SLC39A12: variants seen among roughly 807,000 people sequenced by gnomAD.
SLC39A12 encodes the protein zinc transporter ZIP12.
SLC39A12 carries 63 observed loss-of-function variants against 71.1 expected under a neutral mutation model. The ratio of observed to expected loss-of-function variants is 0.89; its 90% CI spans 0.72 to 1.09. SLC39A12 has a LOEUF of 1.09. SLC39A12 is among the 50% of genes least tolerant of loss of function. SLC39A12 has a pLI of 0.00. For missense variants in SLC39A12, 892 were observed against 812.6 expected, an observed-to-expected ratio of 1.10 and a Z score of -1.19; for synonymous variants, 351 against 301.3, an observed-to-expected ratio of 1.16 and a Z score of -1.71.
chr10:17,959,545 G>C (rs190367444), intron 2 of SLC39A12, among the ~76,000 whole-genome samples: 1 of 152,218 alleles, frequency 6.6e-6, no homozygotes, highest in Admixed American at 6.5e-5. Flanking sequence ...TAGATTAAAA[G>C]ATATTGTAGT....
chr10:17,999,996 C>T (rs1050067553), intron 10 of SLC39A12, among the ~76,000 whole-genome samples: 1 of 152,172 alleles, frequency 6.6e-6, no homozygotes, highest in Admixed American at 6.5e-5. Flanking sequence ...TTTGTCTTGG[C>T]CCACTCGGTC....
rs189674302 is a variant in SLC39A12, at chr10:18,006,876, G to A, written c.1947+3518G>A. 5.9e-5 allele frequency among the ~76,000 whole-genome samples: 9 copies of A among 152,310 alleles called. No homozygotes were observed. The East Asian group carries it at 1.7e-3, about 29-fold the overall frequency. On this transcript the variant is annotated intron_variant, in intron 12 of 12. Coordinates refer to ENST00000377369, the MANE Select transcript of SLC39A12 (RefSeq NM_001145195.2). The stretch of plus-strand genomic sequence containing the variant: ...AGAAAGAGGAATGCAGTGTGAACCA[G>A]AGGCAAGACTCTGCAAAACCAATCA...
At chr10:18,026,888 A>G (rs907708746) in intron 12 of SLC39A12, among the ~76,000 whole-genome samples, 3 of 151,208 alleles carry the variant, frequency 2.0e-5, no homozygotes, top group Non-Finnish European at 4.4e-5. Flanking sequence ...TATAATTTCC[A>G]TTTTTCTGCT....
In SLC39A12 at chr10:17,965,697, A is replaced by C; in HGVS notation, c.751+7A>C. 6.2e-7 allele frequency: 1 copy of C among 1,603,606 alleles called. No individual in the cohort carries two copies. Among genetic ancestry groups the C allele is most frequent in the Non-Finnish European group, 8.5e-7 (1 of 1,171,504 alleles). On this transcript the variant is annotated splice_region_variant and intron_variant, in intron 4 of 12. Coordinates refer to ENST00000377369, the MANE Select transcript of SLC39A12 (RefSeq NM_001145195.2). ...AATACCCTCCGCCTATCAGGTAAGG[A>C]TGTTTTCACGAATTTAACTTCCAAG...
At chr10:17,967,458 C>T (rs1834855515) in intron 4 of SLC39A12, among the ~76,000 whole-genome samples, 1 of 152,164 alleles carries the variant, frequency 6.6e-6, no homozygotes, top group Non-Finnish European at 1.5e-5. Flanking sequence ...AGAAAAACTT[C>T]CCCTCGTCAC....
chr10:18,004,956 C>A (rs1045094902), intron 12 of SLC39A12, among the ~76,000 whole-genome samples: 1 of 151,880 alleles, frequency 6.6e-6, no homozygotes, highest in Non-Finnish European at 1.5e-5. Context: ...CCATTATCCC[C>A]AGCAAACTAA....
chr10:17,987,540 G>T lies in SLC39A12; in HGVS notation c.1158G>T (p.Ala386=), dbSNP rs1276842528. ...LLTLGSMLGT[A]LVLFHSCEEN... is the part of the protein sequence containing the mutation. The stretch of plus-strand genomic sequence containing the variant: ...CACTGGGCTCCATGCTGGGGACAGC[G>T]CTGGTCCTTTTCCATAGCTGTGAGG... The change falls in exon 7 of 13, where the codon GCG becomes GCT. Residue 386 remains alanine (A), a synonymous_variant. Transcript: ENST00000377369. 6.2e-7 allele frequency: 1 copy of T among 1,614,092 alleles called. No homozygotes were observed. Among genetic ancestry groups the T allele is most frequent in the Admixed American group, 1.7e-5 (1 of 60,016 alleles).
intron 10 of SLC39A12, among the ~76,000 whole-genome samples, chr10:17,997,857 G>T (rs1835729495): frequency 6.6e-6 from 1 of 152,138 alleles, no homozygotes; most frequent in Non-Finnish European, 1.5e-5. Context: ...CAGCCCCCAT[G>T]TTTTACCATG....
rs529333432 is a variant in SLC39A12, at chr10:18,003,622, T to C, written c.1947+264T>C. 9.2e-5 allele frequency among the ~76,000 whole-genome samples: 14 copies of C among 152,318 alleles called. No individual in the cohort carries two copies. In the East Asian group the frequency reaches 2.5e-3, roughly 27 times the overall value. ...AGTTGCATGTAAGACTTTTTTCTTTTAGTGATTTTAAGTGGAAAGAATGAA... is the reference window on the plus strand; with the variant it reads ...AGTTGCATGTAAGACTTTTTTCTTTCAGTGATTTTAAGTGGAAAGAATGAA... On this transcript the variant is annotated intron_variant, in intron 12 of 12. Transcript: ENST00000377369.
Position 17,995,696 on chromosome 10 carries a change from G to T in SLC39A12, c.1574G>T (p.Gly525Val). ...EDSQAAEMPI[G>V]SMTASNRKCK... ...TCACAGGCAGCTGAAATGCCTATAG[G>T]CAGTATGACAGCCTCCAACAGAAAA... The change falls in exon 10 of 13, where the codon GGC (glycine) becomes GTC (valine). Residue 525 changes from glycine to valine, a missense_variant. Gly to Val is a moderately radical substitution (Grantham distance 109, BLOSUM62 -3). Coordinates refer to ENST00000377369, the MANE Select transcript of SLC39A12 (RefSeq NM_001145195.2). The T allele has an allele frequency of 1.2e-6, 2 of 1,613,260 alleles. No individual in the cohort carries two copies. Among genetic ancestry groups the T allele is most frequent in the Non-Finnish European group, 1.7e-6 (2 of 1,179,728 alleles).
intron 4 of SLC39A12, among the ~76,000 whole-genome samples, chr10:17,969,374 C>T (rs78999316): frequency 3.0e-4 from 45 of 152,204 alleles, no homozygotes; most frequent in Non-Finnish European, 6.2e-4. Flanking sequence ...CGATCGTTCT[C>T]CATAGGGGTC....
chr10:17,957,652 C>T (rs896046735), intron 2 of SLC39A12, among the ~76,000 whole-genome samples: 2 of 152,118 alleles, frequency 1.3e-5, no homozygotes, highest in African/African-American at 2.4e-5. Context: ...CTTCTAAAAA[C>T]ATTAACAACA....
chr10:17,997,350 T>C (rs1478652519), intron 10 of SLC39A12, among the ~76,000 whole-genome samples: 1 of 152,194 alleles, frequency 6.6e-6, no homozygotes, highest in Non-Finnish European at 1.5e-5. Context: ...ACTCATGTAA[T>C]TTATTTATTC....
chr10:17,977,854 G>T (rs1926740), intron 4 of SLC39A12, 48 bp from the exon 5 acceptor site: 653,939 of 1,377,698 alleles, frequency 0.47, 157,289 homozygotes, highest in Admixed American at 0.53. Flanking sequence ...GTGACTATTC[G>T]GAACTTATCT....
At chr10:17,976,911 T>C (rs1835123897) in intron 4 of SLC39A12, among the ~76,000 whole-genome samples, 1 of 152,232 alleles carries the variant, frequency 6.6e-6, no homozygotes, top group Non-Finnish European at 1.5e-5. Context: ...TCTTTCTCCT[T>C]TCTCTGACTG....
chr10:18,011,251 G>A (rs149897537), intron 12 of SLC39A12, among the ~76,000 whole-genome samples: 4 of 152,022 alleles, frequency 2.6e-5, no homozygotes, highest in East Asian at 3.9e-4. Flanking sequence ...CCCCATGCCC[G>A]CTTATTTTTA....
In SLC39A12 at chr10:17,987,546, C is replaced by G; in HGVS notation, c.1164C>G (p.Val388=). ...TLGSMLGTAL[V]LFHSCEENYR... ...GCTCCATGCTGGGGACAGCGCTGGT[C>G]CTTTTCCATAGCTGTGAGGAGAACT... is the stretch of plus-strand genomic sequence containing the variant. Residue 388 remains valine, a synonymous_variant, in exon 7 of 13, where the codon GTC becomes GTG. Coordinates refer to ENST00000377369, the MANE Select transcript of SLC39A12 (RefSeq NM_001145195.2). The G allele has an allele frequency of 6.2e-7, 1 of 1,614,146 alleles. No homozygotes were observed. The highest frequency in any genetic ancestry group is 8.5e-7 in the Non-Finnish European group (1 of 1,180,026).
intron 4 of SLC39A12, among the ~76,000 whole-genome samples, chr10:17,966,002 G>A (rs558489864): frequency 4.6e-5 from 7 of 152,234 alleles, no homozygotes; most frequent in Non-Finnish European, 8.8e-5. Context: ...GGGACATAAT[G>A]CTGGGCCAGG....
intron 3 of SLC39A12, among the ~76,000 whole-genome samples, chr10:17,963,047 G>A (rs1453843574): frequency 6.6e-6 from 1 of 152,088 alleles, no homozygotes; most frequent in African/African-American, 2.4e-5. Context: ...GGTAGTCCCA[G>A]CTACTCAGGA....
Sources: allele counts gnomAD v4.1 joint callset (sites outside exome capture counted in the v4.1 genomes callset), GRCh38; gene constraint gnomAD v4.1.1; transcripts MANE v1.5; gene names NCBI Gene and HGNC (gene_info 2026-07-23, HGNC 2026-07-21).